KSR2: variants seen among roughly 807,000 people sequenced by gnomAD.
KSR2 encodes the protein kinase suppressor of ras 2.
In KSR2, 25 loss-of-function variants were observed where a neutral mutation model predicts 107.8. That is an observed-to-expected ratio of 0.23 (90% CI 0.17 to 0.32). The LOEUF is 0.32. Among genes scored for constraint, KSR2 ranks in the 10% least tolerant of loss-of-function variants. The pLI is 1.00. For missense variants in KSR2, 887 were observed against 1,268.9 expected (o/e 0.70, Z 4.57); for synonymous variants, 480 against 507.0 (o/e 0.95, Z 0.71).
At position 117,968,054 on chromosome 12, in the gene KSR2, TTTTCC is replaced by T; in HGVS notation, c.180+17_180+21del. ...CTTTTTTTTTTTTTTTTTTTTTTTT[TTTTCC>T]CGTAGGCAACACCTACCTCCAGGGT... On this transcript the variant is annotated intron_variant, in intron 1 of 19. Coordinates refer to ENST00000339824, the MANE Select transcript of KSR2 (RefSeq NM_173598.6). The T allele has an allele frequency of 9.7e-7, 1 of 1,029,796 alleles. No individual in the cohort carries two copies. Among genetic ancestry groups the T allele is most frequent in the Non-Finnish European group, 1.4e-6 (1 of 706,274 alleles). The allele number at this position is 1,029,796 out of a possible 1,614,324, so 63.8% of individuals were successfully genotyped here. A position where few individuals can be genotyped will look rare whatever the true frequency, so the allele number is the denominator to read the frequency against.
chr12:117,476,067 C>T (rs1871756379), intron 17 of KSR2, among the ~76,000 whole-genome samples: 1 of 152,224 alleles, frequency 6.6e-6, no homozygotes, highest in South Asian at 2.1e-4. Context: ...CTCTCAAATT[C>T]CTGACCACAG....
At chr12:117,542,322 T>C (rs1459944589) in intron 9 of KSR2, among the ~76,000 whole-genome samples, 1 of 152,224 alleles carries the variant, frequency 6.6e-6, no homozygotes, top group Non-Finnish European at 1.5e-5. Flanking sequence ...GTAGTAGCTA[T>C]TATGTTAATG....
intron 3 of KSR2, among the ~76,000 whole-genome samples, chr12:117,787,292 C>T (rs1006114848): frequency 1.3e-5 from 2 of 152,106 alleles, no homozygotes; most frequent in Non-Finnish European, 2.9e-5. Flanking sequence ...AATGGATACT[C>T]AAATGTGCAT....
At chr12:117,788,565 G>A (rs1322844502) in intron 3 of KSR2, among the ~76,000 whole-genome samples, 1 of 152,178 alleles carries the variant, frequency 6.6e-6, no homozygotes, top group Non-Finnish European at 1.5e-5. Context: ...GCAGTGGCAT[G>A]ATCTCAGCTC....
intron 11 of KSR2, 105 bp downstream of exon 11, chr12:117,531,561 G>T: frequency 2.1e-6 from 2 of 960,762 alleles, no homozygotes; most frequent in African/African-American, 3.3e-5. Context: ...TACCCTCTTT[G>T]ATCTTAGGCA....
chr12:117,515,124 G>A (rs779065044), intron 14 of KSR2, among the ~76,000 whole-genome samples: 2 of 152,156 alleles, frequency 1.3e-5, no homozygotes, highest in Non-Finnish European at 2.9e-5. Context: ...GCTCCATGAC[G>A]GGCAGACATC....
intron 1 of KSR2, among the ~76,000 whole-genome samples, chr12:117,923,239 T>G (rs1171210234): frequency 2.6e-5 from 4 of 152,160 alleles, no homozygotes; most frequent in Admixed American, 1.3e-4. Context: ...TCTATCTATA[T>G]CTATCTATAA....
intron 3 of KSR2, among the ~76,000 whole-genome samples, chr12:117,821,565 C>T (rs1891566886): frequency 6.6e-6 from 1 of 152,096 alleles, no homozygotes; most frequent in Admixed American, 6.5e-5. Context: ...CAATGGTAGG[C>T]CATTAGTAAA....
At position 117,455,833 on chromosome 12, in the gene KSR2, G is replaced by A. The variant is rs1870590838; in HGVS notation, c.*11366C>T. ...AATGTACCCAAAAATAGGGCTATGA[G>A]GAAACTAGAGGACCGGGGCCCAGAA... On this transcript the variant is annotated 3_prime_UTR_variant, in exon 20 of 20. Coordinates refer to ENST00000339824, the MANE Select transcript of KSR2 (RefSeq NM_173598.6). 1 of 152,176 alleles carries A rather than the reference G, an allele frequency of 6.6e-6. No homozygotes were observed. Among genetic ancestry groups the A allele is most frequent in the Non-Finnish European group, 1.5e-5 (1 of 68,038 alleles). 9.4% of individuals were successfully genotyped at this position (152,176 alleles called of 1,614,324 possible).
chr12:117,805,768 G>A (rs1213924076), intron 3 of KSR2, among the ~76,000 whole-genome samples: 2 of 152,176 alleles, frequency 1.3e-5, no homozygotes, highest in African/African-American at 2.4e-5. Context: ...GATCACTTGA[G>A]GTCGGGAGTT....
At chr12:117,931,119 A>G (rs1895685375) in intron 1 of KSR2, among the ~76,000 whole-genome samples, 1 of 152,034 alleles carries the variant, frequency 6.6e-6, no homozygotes, top group Non-Finnish European at 1.5e-5. Context: ...TGTGTCTCCC[A>G]CAGACATCTA....
intron 8 of KSR2, among the ~76,000 whole-genome samples, chr12:117,556,490 G>T (rs973149493): frequency 6.6e-6 from 1 of 152,172 alleles, no homozygotes; most frequent in Non-Finnish European, 1.5e-5. Context: ...CAAGAGAAGG[G>T]AGCTGAAGAC....
chr12:117,822,891 A>T (rs983689713), intron 3 of KSR2, among the ~76,000 whole-genome samples: 7 of 152,188 alleles, frequency 4.6e-5, no homozygotes, highest in Non-Finnish European at 1.0e-4. Context: ...GTGTGTGATT[A>T]AAAACTGGGA....
intron 1 of KSR2, among the ~76,000 whole-genome samples, chr12:117,946,546 A>G (rs1896184017): frequency 6.6e-6 from 1 of 152,208 alleles, no homozygotes; most frequent in African/African-American, 2.4e-5. Context: ...AATACACTAC[A>G]TGAATAATCC....
chr12:117,892,787 CAA>C (rs35897528), intron 1 of KSR2, among the ~76,000 whole-genome samples: 4,812 of 86,932 alleles, frequency 0.055, 80 homozygotes, highest in East Asian at 0.19. Flanking sequence ...GTGCTATGTG[CAA>C]AAAAAAAAAA....
At chr12:117,664,547 C>T (rs1884575387) in intron 5 of KSR2, among the ~76,000 whole-genome samples, 2 of 152,154 alleles carry the variant, frequency 1.3e-5, no homozygotes, top group Non-Finnish European at 2.9e-5. Context: ...CACCTGGTAG[C>T]TGTGTTCTCC....
intron 4 of KSR2, among the ~76,000 whole-genome samples, chr12:117,718,143 TTACTTTTATGACTTTC>T (rs1322161316): frequency 6.6e-6 from 1 of 152,324 alleles, no homozygotes; most frequent in African/African-American, 2.4e-5. Flanking sequence ...CATTCGAAAA[TTACTTTTATGACTTTC>T]AATTCATACA....
chr12:117,723,240 G>T (rs1296733531), intron 4 of KSR2, among the ~76,000 whole-genome samples: 1 of 152,124 alleles, frequency 6.6e-6, no homozygotes, highest in Admixed American at 6.5e-5. Context: ...GAATAAATCT[G>T]CCCAAGTTGT....
chr12:117,802,623 A>G (rs1890872616), intron 3 of KSR2, among the ~76,000 whole-genome samples: 3 of 152,232 alleles, frequency 2.0e-5, no homozygotes, highest in Non-Finnish European at 4.4e-5. Context: ...TGACACCAGG[A>G]ATAGAATAAT....
Sources: allele counts gnomAD v4.1 joint callset (sites outside exome capture counted in the v4.1 genomes callset), GRCh38; gene constraint gnomAD v4.1.1; transcripts MANE v1.5; gene names NCBI Gene and HGNC (gene_info 2026-07-23, HGNC 2026-07-21).